The following SLC12A7 variants were observed in gnomAD, a reference collection of about 807,000 sequenced individuals.
The protein encoded by SLC12A7 is K-Cl cotransporter 4.
In SLC12A7, 100 loss-of-function variants were observed where a neutral mutation model predicts 120.6. The ratio of observed to expected loss-of-function variants is 0.83; its 90% CI spans 0.71 to 0.98. SLC12A7 has a LOEUF of 0.98. Ranked by LOEUF, SLC12A7 falls within the 50% of genes least tolerant of loss-of-function variation. The pLI, the probability that SLC12A7 is intolerant of heterozygous loss-of-function variation, is 0.00. For synonymous variants in SLC12A7, 760 were observed against 678.0 expected, an observed-to-expected ratio of 1.12 and a Z score of -1.88; for missense variants, 1,373 against 1,548.1, an observed-to-expected ratio of 0.89 and a Z score of 1.90.
At chr5:1,069,778 C>T (rs543225855) in intron 17 of SLC12A7, among the ~76,000 whole-genome samples, 26 of 152,270 alleles carry the variant, frequency 1.7e-4, no homozygotes, top group South Asian at 6.2e-4. Flanking sequence ...GTCATCATTC[C>T]GTTTCTGGAT....
chr5:1,060,163 C>T (rs1385490017), intron 21 of SLC12A7, among the ~76,000 whole-genome samples, 181 bp downstream of exon 21: 2 of 152,256 alleles, frequency 1.3e-5, no homozygotes, highest in Non-Finnish European at 2.9e-5. Flanking sequence ...GACGCCACTC[C>T]TGTGCTCCTG....
chr5:1,076,810 C>A lies in SLC12A7; in HGVS notation c.1632G>T (p.Val544=). The A allele has an allele frequency of 6.2e-7, 1 of 1,604,172 alleles. No individual in the cohort carries two copies. Residue 544 remains valine (V), a splice_region_variant and synonymous_variant, in exon 13 of 24, where the codon GTG becomes GTT. Coordinates refer to ENST00000264930, the MANE Select transcript of SLC12A7 (RefSeq NM_006598.3). The part of the protein sequence containing the change: ...ARDGIVPFLQ[V]FGHGKANGEP... Reference sequence around the variant, plus strand: ...CCCCGTTGGCCTTCCCGTGGCCAAACACCTGCAGGGAGAAGGGCAGGAAGA... The same window carrying A: ...CCCCGTTGGCCTTCCCGTGGCCAAAAACCTGCAGGGAGAAGGGCAGGAAGA...
intron 3 of SLC12A7, among the ~76,000 whole-genome samples, chr5:1,089,875 A>AGTT (rs1489121490): frequency 6.6e-6 from 1 of 152,132 alleles, no homozygotes; most frequent in African/African-American, 2.4e-5. Flanking sequence ...CTGGGGTAGA[A>AGTT]GTTTCAGCTC....
At chr5:1,109,027 G>A (rs1443291297) in intron 1 of SLC12A7, among the ~76,000 whole-genome samples, 1 of 152,228 alleles carries the variant, frequency 6.6e-6, no homozygotes, top group Admixed American at 6.5e-5. Flanking sequence ...ACCTGGGAGA[G>A]CCCCAGCTGA....
At chr5:1,092,532 T>C (rs1180965645) in intron 3 of SLC12A7, among the ~76,000 whole-genome samples, 3 of 152,114 alleles carry the variant, frequency 2.0e-5, no homozygotes, top group Admixed American at 6.5e-5. Context: ...TTTTTAGAGT[T>C]AGAAAGTTAA....
intron 14 of SLC12A7, 33 bp from the exon 15 acceptor site, chr5:1,075,523 A>G: frequency 6.3e-7 from 1 of 1,591,780 alleles, no homozygotes; most frequent in Non-Finnish European, 8.6e-7. Context: ...GGGGCGGCCC[A>G]ACGCCATGCA....
At chr5:1,129,631 A>G in the SLC12A7 span, among the ~76,000 whole-genome samples, 45,682 of 151,850 alleles carry the variant, frequency 0.3, 7,118 homozygotes, top group South Asian at 0.39. Context: ...TTGCTCAGGC[A>G]TCCCTGGCAA....
chr5:1,091,519 G>GCGTC (rs972688119), intron 3 of SLC12A7, among the ~76,000 whole-genome samples: 1 of 152,204 alleles, frequency 6.6e-6, no homozygotes, highest in African/African-American at 2.4e-5. Context: ...CAGCACACAG[G>GCGTC]CGGACAGACA....
chr5:1,076,683 T>G lies in SLC12A7; in HGVS notation c.1748+11A>C. The G allele has an allele frequency of 6.3e-7, 1 of 1,597,786 alleles. No individual in the cohort carries two copies. Among genetic ancestry groups the G allele is most frequent in the South Asian group, 1.1e-5 (1 of 90,808 alleles). On this transcript the variant is annotated intron_variant, in intron 13 of 23. Transcript: ENST00000264930. ...CACCCATCCCCAGGTCCCCGTCCTG[T>G]GGGGGCTCACATGGAGAGGATCGGG...
intron 1 of SLC12A7, among the ~76,000 whole-genome samples, chr5:1,095,767 G>A (rs1281858898): frequency 6.6e-6 from 1 of 152,246 alleles, no homozygotes; most frequent in Non-Finnish European, 1.5e-5. Context: ...ACCAGCCGCA[G>A]GAGTGGTGGG....
At chr5:1,102,523 G>C (rs917605972) in intron 1 of SLC12A7, among the ~76,000 whole-genome samples, 1 of 152,216 alleles carries the variant, frequency 6.6e-6, no homozygotes, top group Non-Finnish European at 1.5e-5. Context: ...TGACAGGCAG[G>C]AGGGGCTGTG....
the SLC12A7 span, among the ~76,000 whole-genome samples, chr5:1,139,530 T>C: frequency 6.6e-6 from 1 of 152,204 alleles, no homozygotes; most frequent in Non-Finnish European, 1.5e-5. Context: ...GCAGCAATGG[T>C]GCCACATGCC....
intron 22 of SLC12A7, among the ~76,000 whole-genome samples, chr5:1,056,757 T>G (rs1203718493): frequency 6.6e-6 from 1 of 152,202 alleles, no homozygotes; most frequent in African/African-American, 2.4e-5. Context: ...GGTCTGGCTC[T>G]GACCCCGGGT....
At chr5:1,057,414 T>A (rs1735732641) in intron 22 of SLC12A7, 57 bp downstream of exon 22, 1 of 1,527,094 alleles carries the variant, frequency 6.5e-7, no homozygotes, top group Non-Finnish European at 8.8e-7. Context: ...CTGTCCTCAC[T>A]GCCGGGCCAG....
the SLC12A7 span, among the ~76,000 whole-genome samples, chr5:1,154,682 CAT>C: frequency 3.8e-4 from 58 of 152,340 alleles, no homozygotes; most frequent in African/African-American, 1.3e-3. Flanking sequence ...TGGACTCTCA[CAT>C]GTGTGACATA....
chr5:1,079,547 G>C, intron 9 of SLC12A7, 51 bp from the exon 10 acceptor site: 21 of 1,415,464 alleles, frequency 1.5e-5, no homozygotes, highest in Non-Finnish European at 1.9e-5. Flanking sequence ...TCAGTGCCAT[G>C]TGATGGCAGC....
chr5:1,086,677 C>T (rs1439937833), intron 6 of SLC12A7, among the ~76,000 whole-genome samples: 1 of 152,262 alleles, frequency 6.6e-6, no homozygotes, highest in Non-Finnish European at 1.5e-5. Flanking sequence ...AGGCACGCCT[C>T]ACGGAGGGCA....
At chr5:1,083,280 C>T (rs1226825566) in intron 8 of SLC12A7, among the ~76,000 whole-genome samples, 2 of 150,944 alleles carry the variant, frequency 1.3e-5, no homozygotes, top group African/African-American at 2.4e-5. Flanking sequence ...CTTCCCGTCT[C>T]GGGTTCTGGA....
At chr5:1,135,319 G>A in the SLC12A7 span, among the ~76,000 whole-genome samples, 2 of 152,178 alleles carry the variant, frequency 1.3e-5, no homozygotes, top group African/African-American at 4.8e-5. Flanking sequence ...GGAGTTCCCA[G>A]GACCCAGGAA....
Sources: gnomAD v4.1 joint callset for allele counts (sites outside exome capture counted in the v4.1 genomes callset) on GRCh38, gnomAD v4.1.1 for gene constraint, MANE v1.5 for transcripts, NCBI Gene and HGNC (gene_info 2026-07-23, HGNC 2026-07-21) for gene names.